Variants in SUMF1 observed in about 807,000 individuals in gnomAD.
SUMF1 encodes sulfatase modifying factor 1.
A neutral mutation model predicts 47.6 loss-of-function variants in SUMF1; 48 were observed. The observed-to-expected ratio is 1.01, with a 90% CI of 0.80 to 1.28. The LOEUF is 1.28. SUMF1 is among the 50% of genes most tolerant of loss of function. SUMF1 has a pLI of 0.00. For synonymous variants in SUMF1, 230 were observed against 192.1 expected, an observed-to-expected ratio of 1.20 and a Z score of -1.63; for missense variants, 571 against 485.4, an observed-to-expected ratio of 1.18 and a Z score of -1.66.
intron 8 of SUMF1, among the ~76,000 whole-genome samples, chr3:4,202,928 G>A (rs990821157): frequency 3.3e-5 from 5 of 151,670 alleles, no homozygotes; most frequent in African/African-American, 1.2e-4. Flanking sequence ...TTCCATTGTG[G>A]TCAGGAAAGA....
chr3:4,133,466 A>G (rs942137988), intron 8 of SUMF1, among the ~76,000 whole-genome samples: 1 of 152,098 alleles, frequency 6.6e-6, no homozygotes, highest in African/African-American at 2.4e-5. Context: ...GATACAAAGT[A>G]TTGGTCCTCA....
At chr3:4,425,517 C>T (rs1167677628) in intron 3 of SUMF1, among the ~76,000 whole-genome samples, 1 of 152,136 alleles carries the variant, frequency 6.6e-6, no homozygotes, top group Non-Finnish European at 1.5e-5. Flanking sequence ...CTCCACCCAC[C>T]AGTTCACCCT....
chr3:4,213,234 C>T (rs1037830999), intron 8 of SUMF1, among the ~76,000 whole-genome samples: 2 of 152,128 alleles, frequency 1.3e-5, no homozygotes, highest in South Asian at 4.2e-4. Flanking sequence ...CCCTACAAGC[C>T]AGAAGAGAGT....
At position 4,342,258 on chromosome 3, in the gene SUMF1, C is replaced by T. The variant is rs148326017; in HGVS notation, c.1014+34072G>A. Among the ~76,000 whole-genome samples the T allele has an allele frequency of 6.5e-3, 995 of 152,268 alleles. 9 individuals are homozygous for T. The highest frequency in any genetic ancestry group is 0.023 in the African/African-American group (953 of 41,544). On this transcript the variant is annotated intron_variant and NMD_transcript_variant, in intron 8 of 12. Transcript: ENST00000448413. ...TTGTTGTTTTTAAAAGTTGGCCAGG[C>T]GCAGTGGCTCACACCTGTAATCTCA...
chr3:4,173,242 C>T (rs1013426230), intron 8 of SUMF1, among the ~76,000 whole-genome samples: 1 of 152,136 alleles, frequency 6.6e-6, no homozygotes, highest in African/African-American at 2.4e-5. Flanking sequence ...ACCACACTAC[C>T]ACACTGTTTT....
intron 7 of SUMF1, among the ~76,000 whole-genome samples, chr3:4,379,228 C>A (rs1271246463): frequency 6.6e-6 from 1 of 152,194 alleles, no homozygotes; most frequent in Non-Finnish European, 1.5e-5. Context: ...TCATTCACAG[C>A]CCTAGTGTCT....
At chr3:4,034,821 T>C (rs1346137151) in intron 9 of SUMF1, among the ~76,000 whole-genome samples, 2 of 151,826 alleles carry the variant, frequency 1.3e-5, no homozygotes, top group African/African-American at 2.4e-5. Context: ...CACACAGAAA[T>C]AGAGCAATCA....
At chr3:4,453,603 G>A (rs1400476451) in intron 1 of SUMF1, among the ~76,000 whole-genome samples, 3 of 149,274 alleles carry the variant, frequency 2.0e-5, no homozygotes, top group East Asian at 2.0e-4. Context: ...GCACAATCAC[G>A]GCTCACTGCA....
intron 8 of SUMF1, among the ~76,000 whole-genome samples, chr3:4,370,844 A>T (rs1700147058): frequency 6.6e-6 from 1 of 152,204 alleles, no homozygotes; most frequent in Non-Finnish European, 1.5e-5. Context: ...TTGAATAATG[A>T]AAAGTTTAAA....
At chr3:4,402,002 TAAG>T (rs2124976369) in intron 7 of SUMF1, among the ~76,000 whole-genome samples, 1 of 152,224 alleles carries the variant, frequency 6.6e-6, no homozygotes, top group Admixed American at 6.5e-5. Flanking sequence ...TACTGCTCCA[TAAG>T]AAGTAGGAAA....
Position 4,303,932 on chromosome 3 carries a change from C to G in SUMF1, c.1014+72398G>C, listed in dbSNP as rs115308297. On this transcript the variant is annotated intron_variant and NMD_transcript_variant, in intron 8 of 12. Coordinates refer to the SUMF1 transcript ENST00000448413. ...GGTGTCGTGCATAAAAACAGCCCCT[C>G]GAGTCAGCCTTAGCTGTGGTCTCCC... The G allele has an allele frequency of 9.5e-4, 1,088 of 1,149,834 alleles. 13 individuals are homozygous for G. The African/African-American group carries it at 0.017, about 17-fold the overall frequency. The allele number at this position is 1,149,834 out of a possible 1,614,324, so 71.2% of individuals were successfully genotyped here.
intron 8 of SUMF1, among the ~76,000 whole-genome samples, chr3:4,294,626 T>C (rs1697808848): frequency 6.6e-6 from 1 of 152,132 alleles, no homozygotes; most frequent in Non-Finnish European, 1.5e-5. Context: ...ATTTGGTGTG[T>C]CTGACATTTT....
At chr3:4,115,682 ATTAT>A (rs148329998) in intron 8 of SUMF1, among the ~76,000 whole-genome samples, 6,789 of 152,208 alleles carry the variant, frequency 0.045, 255 homozygotes, top group African/African-American at 0.094. Context: ...GAGCAGACTG[ATTAT>A]TTATTTCCTT....
chr3:4,142,808 A>G (rs1694102014), intron 8 of SUMF1, among the ~76,000 whole-genome samples: 1 of 152,056 alleles, frequency 6.6e-6, no homozygotes. Context: ...GGGATTTGCA[A>G]ATTGAGCCCC....
intron 8 of SUMF1, among the ~76,000 whole-genome samples, chr3:4,334,577 A>G (rs1553558482): frequency 6.6e-6 from 1 of 152,206 alleles, no homozygotes; most frequent in Non-Finnish European, 1.5e-5. Flanking sequence ...TGTGACCCCA[A>G]ACAGACAGAA....
At chr3:4,174,227 G>T (rs943195597) in intron 8 of SUMF1, among the ~76,000 whole-genome samples, 1 of 151,686 alleles carries the variant, frequency 6.6e-6, no homozygotes, top group African/African-American at 2.4e-5. Context: ...ATGGTGGCAG[G>T]CACCTGTAGT....
At chr3:4,186,321 C>T (rs899167167) in intron 8 of SUMF1, among the ~76,000 whole-genome samples, 20 of 152,098 alleles carry the variant, frequency 1.3e-4, no homozygotes, top group African/African-American at 4.8e-4. Context: ...TACTATTTTT[C>T]CATTAAGACT....
At chr3:4,236,918 CCT>C (rs560020433) in intron 8 of SUMF1, among the ~76,000 whole-genome samples, 86 of 152,066 alleles carry the variant, frequency 5.7e-4, no homozygotes, top group Non-Finnish European at 1.8e-4. Flanking sequence ...CCCACTGACC[CCT>C]GTCAGTCACT....
At chr3:4,259,186 C>T (rs1382692644) in intron 8 of SUMF1, among the ~76,000 whole-genome samples, 7 of 151,166 alleles carry the variant, frequency 4.6e-5, no homozygotes, top group African/African-American at 7.3e-5. Flanking sequence ...GTGGGTGCAG[C>T]GCACCAGCAT....
Sources: gnomAD v4.1 joint callset for allele counts (sites outside exome capture counted in the v4.1 genomes callset) on GRCh38, gnomAD v4.1.1 for gene constraint, MANE v1.5 for transcripts, NCBI Gene and HGNC (gene_info 2026-07-23, HGNC 2026-07-21) for gene names.